PUM3: variants seen among roughly 807,000 people sequenced by gnomAD.
PUM3 encodes pumilio RNA binding family member 3, also known as pumilio homolog 3.
Under a neutral mutation model 84.0 loss-of-function variants are expected in PUM3, and 91 were observed. The observed-to-expected ratio is 1.08, with a 90% CI of 0.91 to 1.29. The LOEUF (loss-of-function observed/expected upper bound fraction) is 1.29. Ranked by LOEUF, PUM3 falls within the 50% of genes most tolerant of loss-of-function variation. The probability of loss-of-function intolerance (pLI) is 0.00; values close to 1 mark genes in which losing one functional copy is unlikely to be tolerated. For synonymous variants in PUM3, 321 were observed against 266.7 expected (o/e 1.20, Z -1.98); for missense variants, 1,067 against 767.5 (o/e 1.39, Z -4.61).
At chr9:2,831,133 G>A in intron 6 of PUM3, 105 bp from the exon 7 acceptor site, 1 of 982,342 alleles carries the variant, frequency 1.0e-6, no homozygotes, top group Non-Finnish European at 1.6e-6. Flanking sequence ...AAACAAAAAA[G>A]GATCTGGAGA....
intron 17 of PUM3, among the ~76,000 whole-genome samples, chr9:2,807,022 C>T (rs551442199): frequency 9.1e-4 from 138 of 151,768 alleles, no homozygotes; most frequent in African/African-American, 2.3e-3. Flanking sequence ...TCCTGGCTAA[C>T]ACGGTGAAAC....
chr9:2,838,605 C>A, intron 1 of PUM3, 88 bp from the exon 2 acceptor site: 1 of 781,236 alleles, frequency 1.3e-6, no homozygotes, highest in African/African-American at 1.7e-5. Context: ...CACATTTAGT[C>A]CTTCAGTCTA....
At chr9:2,834,964 T>C (rs1816081845) in intron 3 of PUM3, among the ~76,000 whole-genome samples, 1 of 148,318 alleles carries the variant, frequency 6.7e-6, no homozygotes, top group Non-Finnish European at 1.5e-5. Context: ...TTGGGGGAAT[T>C]AGTCACTTCT....
At chr9:2,818,331 G>C (rs968121976) in intron 13 of PUM3, among the ~76,000 whole-genome samples, 1 of 152,190 alleles carries the variant, frequency 6.6e-6, no homozygotes, top group African/African-American at 2.4e-5. Context: ...TAAGAATGTG[G>C]GTTAAGCAGT....
chr9:2,810,699 G>C (rs1286101728), intron 15 of PUM3, among the ~76,000 whole-genome samples: 3 of 152,168 alleles, frequency 2.0e-5, no homozygotes, highest in Admixed American at 1.3e-4. Flanking sequence ...AATCTGCTCT[G>C]AACAGTAGCA....
In PUM3 at chr9:2,838,901, G is replaced by A. The variant is rs139622452; in HGVS notation, c.-10-384C>T. 7.1e-3 allele frequency among the ~76,000 whole-genome samples: 1,077 copies of A among 152,176 alleles called. 16 individuals carry two copies. Among genetic ancestry groups the A allele is most frequent in the African/African-American group, 0.024 (1,007 of 41,492 alleles). ...GGGATGAATAACTGACAAAATTATC[G>A]CTTGATTTCTTGGAGCCTAAAAAGC... On this transcript the variant is annotated intron_variant, in intron 1 of 17. Transcript: ENST00000397885.
In PUM3 at chr9:2,812,262, T is replaced by C. The variant is rs1821390133; in HGVS notation, c.1370A>G (p.Glu457Gly). 1 of 1,613,580 alleles carries C rather than the reference T, an allele frequency of 6.2e-7. No individual in the cohort carries two copies. Among genetic ancestry groups the C allele is most frequent in the Admixed American group, 1.7e-5 (1 of 59,984 alleles). Reference sequence around the variant, plus strand: ...TCCTTTTTGCAGAACTTCAATGATTTCTCGTACTGTATGTGCAGGATCTCT... The same window carrying C: ...TCCTTTTTGCAGAACTTCAATGATTCCTCGTACTGTATGTGCAGGATCTCT... Reference protein sequence around the residue: ...SPRDPAHTVREIIEVLQKGDG... With the variant: ...SPRDPAHTVRGIIEVLQKGDG... The change falls in exon 14 of 18, where the codon GAA becomes GGA. Residue 457 changes from glutamate (E) to glycine (G), a missense_variant. Coordinates refer to ENST00000397885, the MANE Select transcript of PUM3 (RefSeq NM_014878.5).
At chr9:2,807,092 C>T (rs1383056240) in intron 17 of PUM3, among the ~76,000 whole-genome samples, 1 of 152,010 alleles carries the variant, frequency 6.6e-6, no homozygotes, top group Non-Finnish European at 1.5e-5. Context: ...CCTGCCGTTC[C>T]AGCTACTCAG....
chr9:2,833,668 G>C (rs1032527234), intron 4 of PUM3, among the ~76,000 whole-genome samples: 7 of 146,514 alleles, frequency 4.8e-5, no homozygotes, highest in African/African-American at 1.7e-4. Context: ...AATCTTAACA[G>C]CCAGAACTTC....
chr9:2,824,324 A>G (rs1245099433), intron 11 of PUM3, among the ~76,000 whole-genome samples: 1 of 152,222 alleles, frequency 6.6e-6, no homozygotes, highest in East Asian at 1.9e-4. Flanking sequence ...TTTTCCCTCA[A>G]GTACATAACA....
intron 10 of PUM3, among the ~76,000 whole-genome samples, chr9:2,825,901 T>C (rs1815806858): frequency 6.6e-6 from 1 of 152,180 alleles, no homozygotes; most frequent in South Asian, 2.1e-4. Flanking sequence ...CAAAGCCTCA[T>C]GCCACGAAAG....
Position 2,838,498 on chromosome 9 carries a change from T to C in PUM3, c.10A>G (p.Lys4Glu). ...TTTCCTGTGAATTGCTTTTTCCCTT[T>C]AACTTCCATCGTAGCAACTCTGGAA... MEV[K>E]GKKQFTGKST... The change falls in exon 2 of 18, where the codon AAA becomes GAA. Residue 4 changes from lysine to glutamate, a missense_variant. By Grantham distance (56) the Lys-to-Glu change is moderately conservative. Coordinates refer to ENST00000397885, the MANE Select transcript of PUM3 (RefSeq NM_014878.5). 6.2e-7 allele frequency: 1 copy of C among 1,613,054 alleles called. No homozygotes were observed. Among genetic ancestry groups the C allele is most frequent in the Non-Finnish European group, 8.5e-7 (1 of 1,179,154 alleles).
At chr9:2,816,629 G>A (rs557388053) in intron 13 of PUM3, among the ~76,000 whole-genome samples, 1 of 152,100 alleles carries the variant, frequency 6.6e-6, no homozygotes, top group Admixed American at 6.5e-5. Context: ...GTGTGCTCTC[G>A]CCATTTCCTA....
chr9:2,824,633 G>T, intron 11 of PUM3, 84 bp downstream of exon 11: 1 of 883,604 alleles, frequency 1.1e-6, no homozygotes, highest in Non-Finnish European at 1.6e-6. Flanking sequence ...GGGGTTAAAA[G>T]TCTAAGGACA....
chr9:2,841,190 T>C (rs1816255996), intron 1 of PUM3, among the ~76,000 whole-genome samples: 1 of 152,214 alleles, frequency 6.6e-6, no homozygotes, highest in African/African-American at 2.4e-5. Context: ...CATGCATAGT[T>C]TCAGAATTGC....
chr9:2,829,883 TGCCGCA>T lies in PUM3; in HGVS notation c.737_742del (p.Leu246_Arg247del), dbSNP rs1815927392. On this transcript the variant is annotated inframe_deletion, in exon 8 of 18. Coordinates refer to ENST00000397885, the MANE Select transcript of PUM3 (RefSeq NM_014878.5). ...CTCCACGATGGCTGATGCTTCCGCA[TGCCGCA>T]GCATCTTCCTCACGTGGCCTTTAAA... 1 of 1,614,000 alleles carries T rather than the reference TGCCGCA, an allele frequency of 6.2e-7. No individual in the cohort carries two copies. Among genetic ancestry groups the T allele is most frequent in the African/African-American group, 1.3e-5 (1 of 74,940 alleles).
chr9:2,837,485 A>G, intron 2 of PUM3, 84 bp from the exon 3 acceptor site: 1 of 852,220 alleles, frequency 1.2e-6, no homozygotes, highest in Non-Finnish European at 1.8e-6. Flanking sequence ...ACAGAAAATT[A>G]TACTTTTTAA....
chr9:2,812,739 T>A (rs1821398454), intron 13 of PUM3, among the ~76,000 whole-genome samples: 1 of 152,216 alleles, frequency 6.6e-6, no homozygotes, highest in South Asian at 2.1e-4. Flanking sequence ...TGACTAGCAT[T>A]ACTGAACAAC....
At chr9:2,843,573 CTTTT>C (rs34837134) in intron 1 of PUM3, among the ~76,000 whole-genome samples, 3 of 96,398 alleles carry the variant, frequency 3.1e-5, no homozygotes, top group Non-Finnish European at 4.1e-5. Context: ...TCCCGCCCTT[CTTTT>C]TTTTTTTTTT....
Sources: gnomAD v4.1 joint callset for allele counts (sites outside exome capture counted in the v4.1 genomes callset) on GRCh38, gnomAD v4.1.1 for gene constraint, MANE v1.5 for transcripts, NCBI Gene and HGNC (gene_info 2026-07-23, HGNC 2026-07-21) for gene names.